CD300A: variants seen among roughly 807,000 people sequenced by gnomAD.
CD300A encodes the protein CD300a molecule.
Under a neutral mutation model 33.6 loss-of-function variants are expected in CD300A, and 22 were observed. The observed-to-expected ratio is 0.66, with a 90% CI of 0.47 to 0.94. The LOEUF is 0.94. CD300A is among the 40% of genes least tolerant of loss of function. The probability of loss-of-function intolerance (pLI) is 0.00; values close to 1 mark genes in which losing one functional copy is unlikely to be tolerated. For missense variants in CD300A, 326 were observed against 360.5 expected, an observed-to-expected ratio of 0.90 and a Z score of 0.77; for synonymous variants, 136 against 148.1, an observed-to-expected ratio of 0.92 and a Z score of 0.59.
chr17:74,474,759 C>A, intron 3 of CD300A, 74 bp downstream of exon 3: 1 of 1,500,380 alleles, frequency 6.7e-7, no homozygotes, highest in Non-Finnish European at 9.1e-7. Context: ...GGACCTTGGC[C>A]ATGTGGGCCA....
chr17:74,479,940 CA>C (rs1171564842), intron 4 of CD300A, among the ~76,000 whole-genome samples: 1 of 152,140 alleles, frequency 6.6e-6, no homozygotes, highest in African/African-American at 2.4e-5. Flanking sequence ...GCCCTGGGGA[CA>C]ACATTGTGAC....
chr17:74,481,717 C>A lies in CD300A; in HGVS notation c.667-9C>A. 1 of 1,597,528 alleles carries A rather than the reference C, an allele frequency of 6.3e-7. No homozygotes were observed. Among genetic ancestry groups the A allele is most frequent in the Non-Finnish European group, 8.5e-7 (1 of 1,171,812 alleles). On this transcript the variant is annotated splice_polypyrimidine_tract_variant and intron_variant, in intron 5 of 6. Coordinates refer to ENST00000360141, the MANE Select transcript of CD300A (RefSeq NM_007261.4). ...GTGGACACCCACCTGGGACCTCCTG[C>A]CCACCCAGGCTGCCACGCAGAGTGA...
In CD300A at chr17:74,484,247, C is replaced by A. The variant is rs988330681; in HGVS notation, c.*121C>A. 1 of 1,119,762 alleles carries A rather than the reference C, an allele frequency of 8.9e-7. No homozygotes were observed. Among genetic ancestry groups the A allele is most frequent in the Non-Finnish European group, 1.3e-6 (1 of 791,450 alleles). The allele number at this position is 1,119,762 out of a possible 1,614,324, so 69.4% of individuals were successfully genotyped here. ...TCGACAACAGTGACCAACAGACAGGCAGCTGGGTTTCCCAGGCCATCCCTC... is the reference window on the plus strand; with the variant it reads ...TCGACAACAGTGACCAACAGACAGGAAGCTGGGTTTCCCAGGCCATCCCTC... On this transcript the variant is annotated 3_prime_UTR_variant, in exon 7 of 7. Transcript: ENST00000360141.
upstream of CD300A, chr17:74,466,459 C>T (rs545721510): frequency 3.4e-5 from 20 of 579,926 alleles, no homozygotes; most frequent in East Asian, 4.0e-4. Flanking sequence ...CTAGAAATAG[C>T]CGAAGAACCT....
At chr17:74,472,014 G>A (rs1906132850) in intron 1 of CD300A, among the ~76,000 whole-genome samples, 1 of 152,130 alleles carries the variant, frequency 6.6e-6, no homozygotes, top group South Asian at 2.1e-4. Flanking sequence ...GCCGAGGCAG[G>A]TGGATCACCT....
At chr17:74,466,488 A>G (rs559384126), upstream of CD300A, 14 of 603,834 alleles carry the variant, frequency 2.3e-5, no homozygotes, top group Non-Finnish European at 3.8e-5. Context: ...AACCAGCGTT[A>G]AGGAGGACGT....
chr17:74,466,530 C>T (rs758370914), upstream of CD300A: 12 of 710,976 alleles, frequency 1.7e-5, no homozygotes, highest in Non-Finnish European at 2.3e-5. Context: ...TCGGGGCTCA[C>T]CAGCTTCCTG....
At chr17:74,479,710 T>C (rs1906707496) in intron 4 of CD300A, among the ~76,000 whole-genome samples, 1 of 152,106 alleles carries the variant, frequency 6.6e-6, no homozygotes, top group African/African-American at 2.4e-5. Flanking sequence ...GATAAAGGCT[T>C]TCTATTCAAA....
At chr17:74,469,891 A>G (rs1905981273) in intron 1 of CD300A, 2 of 862,754 alleles carry the variant, frequency 2.3e-6, no homozygotes, top group Admixed American at 6.2e-5. Flanking sequence ...TAATGTATAT[A>G]CTAACTCCAC....
chr17:74,470,228 A>G, intron 1 of CD300A: 1 of 985,470 alleles, frequency 1.0e-6, no homozygotes, highest in Non-Finnish European at 1.2e-6. Context: ...CTGGGGATCC[A>G]TGTGATCGTT....
chr17:74,477,548 A>C lies in CD300A; in HGVS notation c.628+18A>C. 1 of 1,587,364 alleles carries C rather than the reference A, an allele frequency of 6.3e-7. No homozygotes were observed. ...GATCAAAGGTGAGTTGGCTCCCCAC[A>C]CCCCTCTGCCCCACCTGGGGTGGTC... On this transcript the variant is annotated intron_variant, in intron 4 of 6. Transcript: ENST00000360141.
Position 74,481,808 on chromosome 17 carries a change from A to T in CD300A, c.749A>T (p.Glu250Val). ...PLQEKPAPPR[E>V]VEVEYSTVAS... Reference sequence around the variant, plus strand: ...CAGGAAAAGCCAGCACCACCAAGGGAGGTGGAGGTGGAATACAGCACTGTG... The same window carrying T: ...CAGGAAAAGCCAGCACCACCAAGGGTGGTGGAGGTGGAATACAGCACTGTG... Residue 250 changes from glutamate to valine, a missense_variant, in exon 6 of 7, where the codon GAG (glutamate) becomes GTG (valine). Coordinates refer to ENST00000360141, the MANE Select transcript of CD300A (RefSeq NM_007261.4). The T allele has an allele frequency of 6.2e-7, 1 of 1,611,784 alleles. No individual in the cohort carries two copies. Among genetic ancestry groups the T allele is most frequent in the Non-Finnish European group, 8.5e-7 (1 of 1,179,146 alleles).
intron 4 of CD300A, 137 bp from the exon 5 acceptor site, chr17:74,481,152 C>CCAT: frequency 1.5e-6 from 1 of 685,748 alleles, no homozygotes; most frequent in South Asian, 1.8e-5. Context: ...TGAGTTCCTA[C>CCAT]CATGCTTCAG....
chr17:74,475,354 T>TG (rs1413302428), intron 3 of CD300A, among the ~76,000 whole-genome samples: 2 of 152,102 alleles, frequency 1.3e-5, no homozygotes, highest in African/African-American at 2.4e-5. Flanking sequence ...GAGATTTGGG[T>TG]GGGGACCCAG....
chr17:74,482,732 T>TTCTTTCGTTCTTTCTTTCTTTCTC (rs1336360956), intron 6 of CD300A, among the ~76,000 whole-genome samples: 24 of 133,034 alleles, frequency 1.8e-4, no homozygotes, highest in African/African-American at 7.7e-4. Context: ...CTTTCTTTCT[T>TTCTTTCGTTCTTTCTTTCTTTCTC]TGGAATCTCG....
intron 5 of CD300A, 160 bp from the exon 6 acceptor site, chr17:74,481,566 G>A (rs543340370): frequency 1.7e-4 from 110 of 665,990 alleles, no homozygotes; most frequent in South Asian, 7.7e-4. Flanking sequence ...AGCTGACCTG[G>A]GGAACATTAA....
rs1012433475 is a variant in CD300A at position 74,477,760 on chromosome 17, G to A, written c.628+230G>A. Among the ~76,000 whole-genome samples the A allele has an allele frequency of 3.9e-5, 6 of 152,196 alleles. No homozygotes were observed. In the East Asian group the frequency reaches 1.2e-3, roughly 29 times the overall value. On this transcript the variant is annotated intron_variant, in intron 4 of 6. Coordinates refer to ENST00000360141, the MANE Select transcript of CD300A (RefSeq NM_007261.4). ...CAAGCAGGAGGCTTTCCCACTTCCA[G>A]GCCAAGGGTGGTTGCCCCATGAAGC...
intron 5 of CD300A, 55 bp from the exon 6 acceptor site, chr17:74,481,671 G>A: frequency 7.8e-7 from 1 of 1,287,384 alleles, no homozygotes; most frequent in Non-Finnish European, 1.1e-6. Flanking sequence ...AGAGACGCAG[G>A]GACAGAGGCT....
At chr17:74,473,896 C>G in intron 2 of CD300A, 22 bp downstream of exon 2, 1 of 1,600,930 alleles carries the variant, frequency 6.2e-7, no homozygotes, top group South Asian at 1.1e-5. Flanking sequence ...CTTCCCTCAG[C>G]GCCTAAATAG....
Sources: allele counts gnomAD v4.1 joint callset (sites outside exome capture counted in the v4.1 genomes callset), GRCh38; gene constraint gnomAD v4.1.1; transcripts MANE v1.5; gene names NCBI Gene and HGNC (gene_info 2026-07-23, HGNC 2026-07-21).